The following PLEC variants were observed in gnomAD, a reference collection of about 807,000 sequenced individuals.
The protein encoded by PLEC is hemidesmosomal protein 1.
PLEC carries 216 observed loss-of-function variants against 392.8 expected under a neutral mutation model. The observed-to-expected ratio is 0.55, with a 90% CI of 0.49 to 0.62. The LOEUF is 0.62. PLEC is among the 20% of genes least tolerant of loss of function. The probability of loss-of-function intolerance (pLI) is 0.00; values close to 1 mark genes in which losing one functional copy is unlikely to be tolerated. For synonymous variants in PLEC, 3,621 were observed against 2,980.6 expected, an observed-to-expected ratio of 1.21 and a Z score of -7.00; for missense variants, 6,863 against 6,563.4, an observed-to-expected ratio of 1.05 and a Z score of -1.58.
At position 143,920,872 on chromosome 8, in the gene PLEC, G is replaced by A. The variant is rs201312718; in HGVS notation, c.8949C>T (p.Ala2983=). The change falls in exon 32 of 32, where the codon GCC becomes GCT. Residue 2983 remains alanine (A), a synonymous_variant. Transcript: ENST00000345136. The part of the protein sequence containing the change: ...CFEGLRSLVP[A]AELLESRVID... ...TGACCCTGCTCTCCAGCAGCTCGGC[G>A]GCTGGCACCAGGCTGCGCAGGCCCT... 1.4e-5 allele frequency: 23 copies of A among 1,610,630 alleles called. No homozygotes were observed. In the African/African-American group the frequency reaches 1.5e-4, roughly 10 times the overall value.
At chr8:143,942,618 G>A, upstream of PLEC, 1 of 1,350,892 alleles carries the variant, frequency 7.4e-7, no homozygotes, top group Non-Finnish European at 9.8e-7. Context: ...TGCCGGCTTC[G>A]CTCTCCACCT....
chr8:143,933,592 T>A (rs1828047222), intron 12 of PLEC, among the ~76,000 whole-genome samples: 1 of 152,150 alleles, frequency 6.6e-6, no homozygotes, highest in Non-Finnish European at 1.5e-5. Flanking sequence ...TGACCATGTC[T>A]GTGGGGTCCT....
In PLEC at chr8:143,923,614, C is replaced by T. The variant is rs782099206; in HGVS notation, c.6315G>A (p.Ala2105=). Residue 2105 remains alanine (A), a synonymous_variant, in exon 31 of 32, where the codon GCG becomes GCA. Coordinates refer to ENST00000345136, the MANE Select transcript of PLEC (RefSeq NM_201384.3). Reference sequence around the variant, plus strand: ...CCTCTTCCACCTGCCGCCGGGACTGCGCCGCCTCACGCTCCGCCTGCACCC... The same window carrying T: ...CCTCTTCCACCTGCCGCCGGGACTGTGCCGCCTCACGCTCCGCCTGCACCC... ...EARVQAEREA[A]QSRRQVEEAE... 2.2e-5 allele frequency: 35 copies of T among 1,591,238 alleles called. No homozygotes were observed. The highest frequency in any genetic ancestry group is 8.9e-5 in the South Asian group (8 of 90,338).
In PLEC at chr8:143,932,434, T is replaced by C; in HGVS notation, c.1943A>G (p.Asn648Ser). 6.2e-7 allele frequency: 1 copy of C among 1,612,826 alleles called. No individual in the cohort carries two copies. The change falls in exon 16 of 32, where the codon AAC (asparagine) becomes AGC (serine). Residue 648 changes from asparagine to serine, a missense_variant. Coordinates refer to ENST00000345136, the MANE Select transcript of PLEC (RefSeq NM_201384.3). Reference sequence around the variant, plus strand: ...CTCCTTCTTGGCGGTCATGTTGGTGTTGCGGTCGCTCCAGTCGAAGCCCAC... The same window carrying C: ...CTCCTTCTTGGCGGTCATGTTGGTGCTGCGGTCGCTCCAGTCGAAGCCCAC... ...EEVGFDWSDR[N>S]TNMTAKKESY...
Position 143,917,339 on chromosome 8 carries a change from C to A in PLEC, c.12482G>T (p.Gly4161Val). ...EMSVYEAYRKGLIDHQTYLEL... is the reference protein window; with the variant it reads ...EMSVYEAYRKVLIDHQTYLEL... The stretch of plus-strand genomic sequence containing the variant: ...CAGGTACGTCTGGTGGTCAATCAGG[C>A]CCTTGCGGTAGGCCTCGTACACTGA... Residue 4161 changes from glycine (G) to valine (V), a missense_variant, in exon 32 of 32, where the codon GGC (glycine) becomes GTC (valine). Coordinates refer to ENST00000345136, the MANE Select transcript of PLEC (RefSeq NM_201384.3). 6.2e-7 allele frequency: 1 copy of A among 1,610,084 alleles called. No individual in the cohort carries two copies. Among genetic ancestry groups the A allele is most frequent in the African/African-American group, 1.3e-5 (1 of 75,038 alleles).
upstream of PLEC, among the ~76,000 whole-genome samples, chr8:143,954,857 C>A (rs1444359134): frequency 6.6e-6 from 1 of 152,214 alleles, no homozygotes; most frequent in Non-Finnish European, 1.5e-5. The surrounding 1 kb of genome is among the most constrained non-coding windows in gnomAD (Gnocchi z 4.6). Flanking sequence ...AAGTGACTAG[C>A]CTGCCTCAGT....
At position 143,925,413 on chromosome 8, in the gene PLEC, C is replaced by T. The variant is rs1554702446; in HGVS notation, c.4516G>A (p.Glu1506Lys). 5.6e-6 allele frequency: 9 copies of T among 1,593,002 alleles called. No individual in the cohort carries two copies. The highest frequency in any genetic ancestry group is 2.2e-5 in the South Asian group (2 of 90,330). ...TCCGCCTGCCGCTTACGCTGGCTCT[C>T]GTCCTGCACCTGCCTCCGCAAGCGC... ...AERLRRQVQD[E>K]SQRKRQAEVE... Residue 1506 changes from glutamate (E) to lysine (K), a missense_variant, in exon 31 of 32, where the codon GAG becomes AAG. By Grantham distance (56) the Glu-to-Lys change is moderately conservative. Coordinates refer to ENST00000345136, the MANE Select transcript of PLEC (RefSeq NM_201384.3).
upstream of PLEC, among the ~76,000 whole-genome samples, chr8:143,943,360 G>A (rs1159830465): frequency 1.3e-5 from 2 of 152,228 alleles, no homozygotes; most frequent in African/African-American, 4.8e-5. Context: ...CCCGCCCCCT[G>A]TGCGGCCCGA....
At position 143,917,903 on chromosome 8, in the gene PLEC, G is replaced by A. The variant is rs781991066; in HGVS notation, c.11918C>T (p.Thr3973Ile). ...AFELLEAQAATGYVIDPIKGL... is the reference protein window; with the variant it reads ...AFELLEAQAAIGYVIDPIKGL... ...CTTGATGGGGTCGATGACGTAACCG[G>A]TGGCCGCCTGCGCCTCCAGGAGCTC... The change falls in exon 32 of 32, where the codon ACC becomes ATC. Residue 3973 changes from threonine (T) to isoleucine (I), a missense_variant. Transcript: ENST00000345136. The A allele has an allele frequency of 6.2e-7, 1 of 1,613,056 alleles. No individual in the cohort carries two copies. Among genetic ancestry groups the A allele is most frequent in the Admixed American group, 1.7e-5 (1 of 60,020 alleles).
upstream of PLEC, among the ~76,000 whole-genome samples, chr8:143,952,181 A>AACACACACACACACAC (rs66992958): frequency 5.0e-5 from 7 of 140,234 alleles, no homozygotes; most frequent in Admixed American, 1.3e-4. Context: ...GCAGGCTCCA[A>AACACACACACACACAC]ACACACACAC....
chr8:143,938,316 T>C (rs1208104268), intron 2 of PLEC, 76 bp from the exon 3 acceptor site: 1 of 1,535,522 alleles, frequency 6.5e-7, no homozygotes, highest in Non-Finnish European at 8.8e-7. Flanking sequence ...ATCTACAGAG[T>C]GGGTGCTGGT....
rs1373894054 is a variant in PLEC at position 143,969,310 on chromosome 8, C to G, written c.70+4093G>C. 6.6e-6 allele frequency among the ~76,000 whole-genome samples: 1 copy of G among 152,328 alleles called. No homozygotes were observed. Among genetic ancestry groups the G allele is most frequent in the Non-Finnish European group, 1.5e-5 (1 of 68,028 alleles). ...CTGTCTGCCTGAGCCCCTCAGCCCC[C>G]CCATTCTCCCTGTCCCCCATCCAGG... is the stretch of plus-strand genomic sequence containing the variant. On this transcript the variant is annotated intron_variant, in intron 1 of 31. Coordinates refer to the PLEC transcript ENST00000356346. This position sits in a 1 kb window ranked among gnomAD's most constrained non-coding sequence, Gnocchi z 5.1.
intron 1 of PLEC, among the ~76,000 whole-genome samples, chr8:143,960,461 AC>A (rs1832821116): frequency 6.6e-6 from 1 of 151,748 alleles, no homozygotes; most frequent in Admixed American, 6.6e-5. Flanking sequence ...TACTAAAAAT[AC>A]AAAAATTAGC....
In PLEC at chr8:143,916,061, G is replaced by C. The variant is rs920067331; in HGVS notation, c.*116C>G. 10 of 656,686 alleles carry C rather than the reference G, an allele frequency of 1.5e-5. No homozygotes were observed. The highest frequency in any genetic ancestry group is 1.1e-4 in the African/African-American group (6 of 52,806). 40.7% of individuals were successfully genotyped at this position (656,686 alleles called of 1,614,324 possible). ...ATTAATATATTAGTCTGGTCTTTTT[G>C]GTTAAACTTTAGGCACCACTTGGGA... On this transcript the variant is annotated 3_prime_UTR_variant, in exon 32 of 32. Transcript: ENST00000345136.
rs202135215 is a variant in PLEC, at chr8:143,930,278, G to A, written c.2478C>T (p.Asp826=). ...KQVEVTVHKG[D]ECQLVGPAQP... is the part of the protein sequence containing the mutation. ...GTGCAGGGCCCACCAGCTGGCACTC[G>A]TCACCCTTGTGCACAGTCACCTGGG... Residue 826 remains aspartate, a synonymous_variant, in exon 21 of 32, where the codon GAC becomes GAT. Coordinates refer to ENST00000345136, the MANE Select transcript of PLEC (RefSeq NM_201384.3). 2,281 of 1,603,110 alleles carry A rather than the reference G, an allele frequency of 1.4e-3. 3 individuals carry two copies. Among genetic ancestry groups the A allele is most frequent in the Middle Eastern group, 2.5e-3 (15 of 5,934 alleles).
chr8:143,942,039 G>A (rs538078140), upstream of PLEC, among the ~76,000 whole-genome samples: 270 of 152,280 alleles, frequency 1.8e-3, no homozygotes, highest in Non-Finnish European at 3.4e-3. Flanking sequence ...GCCCAGGACT[G>A]CAGCAAGTCC....
upstream of PLEC, chr8:143,973,608 A>G: frequency 4.9e-6 from 4 of 818,222 alleles, no homozygotes; most frequent in Non-Finnish European, 5.9e-6. This position sits in a 1 kb window ranked among gnomAD's most constrained non-coding sequence, Gnocchi z 5.6. Context: ...AGGATGCCCC[A>G]CGGGCGGGGC....
chr8:143,967,186 A>G (rs1554742525), intron 1 of PLEC, among the ~76,000 whole-genome samples: 1 of 151,486 alleles, frequency 6.6e-6, no homozygotes, highest in Non-Finnish European at 1.5e-5. Context: ...ACACGGTGAA[A>G]CCCCGTCTCT....
Position 143,921,605 on chromosome 8 carries a change from A to G in PLEC, c.8216T>C (p.Leu2739Pro). 1 of 1,612,844 alleles carries G rather than the reference A, an allele frequency of 6.2e-7. No individual in the cohort carries two copies. The highest frequency in any genetic ancestry group is 8.5e-7 in the Non-Finnish European group (1 of 1,179,788). The part of the protein sequence containing the change: ...LLEAQAASGF[L>P]LDPVRNRRLT... ...CCGCCGGTTCCGCACAGGGTCCAGC[A>G]GGAAGCCTGAGGCCGCCTGCGCCTC... The change falls in exon 32 of 32, where the codon CTG (leucine) becomes CCG (proline). Residue 2739 changes from leucine to proline, a missense_variant. By Grantham distance (98) the Leu-to-Pro change is moderately conservative. Coordinates refer to ENST00000345136, the MANE Select transcript of PLEC (RefSeq NM_201384.3).
Sources: gnomAD v4.1 joint callset for allele counts (sites outside exome capture counted in the v4.1 genomes callset) on GRCh38, gnomAD v4.1.1 for gene constraint, Gnocchi (gnomAD v3.1) non-coding constraint, MANE v1.5 for transcripts, NCBI Gene and HGNC (gene_info 2026-07-23, HGNC 2026-07-21) for gene names.